Variants in MAML3 observed in about 807,000 individuals in gnomAD.
MAML3 encodes mastermind like transcriptional coactivator 3, also known as mastermind-like protein 3.
In MAML3, 27 loss-of-function variants were observed where a neutral mutation model predicts 101.9. The observed-to-expected ratio is 0.27, with a 90% confidence interval of 0.20 to 0.37. The LOEUF is 0.37. Among genes scored for constraint, MAML3 ranks in the 10% least tolerant of loss-of-function variants. The pLI is 1.00. For missense variants in MAML3, 1,316 were observed against 1,444.9 expected (o/e 0.91, Z 1.45); for synonymous variants, 501 against 555.9 (o/e 0.90, Z 1.39).
intron 2 of MAML3, among the ~76,000 whole-genome samples, chr4:139,775,595 C>T (rs1455250936): frequency 2.0e-5 from 3 of 151,980 alleles, no homozygotes; most frequent in Non-Finnish European, 4.4e-5. Context: ...GAGCTGTGGG[C>T]CCGGAAAGGA....
chr4:139,905,180 C>A (rs1252288766), intron 1 of MAML3, among the ~76,000 whole-genome samples: 1 of 152,168 alleles, frequency 6.6e-6, no homozygotes. Flanking sequence ...GTGCTAACTT[C>A]TGATTTTGTA....
At chr4:140,024,145 A>ACTGAGGC (rs1246015240) in intron 1 of MAML3, among the ~76,000 whole-genome samples, 105 of 152,324 alleles carry the variant, frequency 6.9e-4, no homozygotes, top group Admixed American at 2.0e-3. Flanking sequence ...AGATGTGGAA[A>ACTGAGGC]CTGAGGCACA....
intron 2 of MAML3, among the ~76,000 whole-genome samples, chr4:139,734,201 C>T (rs1450782716): frequency 1.3e-5 from 2 of 152,180 alleles, no homozygotes; most frequent in African/African-American, 4.8e-5. Context: ...AACCTCCAGT[C>T]TCAGAGGGCT....
intron 1 of MAML3, among the ~76,000 whole-genome samples, chr4:140,109,430 G>T (rs1483597484): frequency 6.6e-6 from 1 of 152,158 alleles, no homozygotes; most frequent in Non-Finnish European, 1.5e-5. Flanking sequence ...TAGTTCCCTA[G>T]CCCCCAAGCA....
At chr4:139,917,998 T>C (rs1733057272) in intron 1 of MAML3, among the ~76,000 whole-genome samples, 1 of 152,240 alleles carries the variant, frequency 6.6e-6, no homozygotes, top group Non-Finnish European at 1.5e-5. Flanking sequence ...TTGATTTTTA[T>C]GTATTTTGTT....
At chr4:139,885,890 G>A (rs1396008393) in intron 2 of MAML3, among the ~76,000 whole-genome samples, 1 of 114,594 alleles carries the variant, frequency 8.7e-6, no homozygotes, top group Non-Finnish European at 1.7e-5. Flanking sequence ...CAGAGATCGC[G>A]CCACTGCACT....
At chr4:139,764,955 A>C (rs1729829259) in intron 2 of MAML3, among the ~76,000 whole-genome samples, 1 of 152,214 alleles carries the variant, frequency 6.6e-6, no homozygotes, top group African/African-American at 2.4e-5. Flanking sequence ...TTCACGGGGA[A>C]GCAGGGGCTG....
intron 1 of MAML3, among the ~76,000 whole-genome samples, chr4:139,996,233 A>G (rs533505936): frequency 6.6e-6 from 1 of 152,284 alleles, no homozygotes; most frequent in South Asian, 2.1e-4. Flanking sequence ...CAATTGTTAA[A>G]TGGATTGTTC....
At chr4:139,851,039 G>A (rs1301212440) in intron 2 of MAML3, among the ~76,000 whole-genome samples, 3 of 152,138 alleles carry the variant, frequency 2.0e-5, no homozygotes, top group African/African-American at 7.2e-5. Context: ...TATCTTTGGA[G>A]TTTTAGCATT....
chr4:139,946,915 ACACACACACACTCTCTCT>A (rs1310634449), intron 1 of MAML3, among the ~76,000 whole-genome samples: 402 of 123,090 alleles, frequency 3.3e-3, no homozygotes, highest in African/African-American at 0.012. Context: ...ACACACACAC[ACACACACACACTCTCTCT>A]CTCTCTCTCT....
chr4:140,032,882 A>C (rs1344910137), intron 1 of MAML3, among the ~76,000 whole-genome samples: 1 of 93,226 alleles, frequency 1.1e-5, no homozygotes, highest in Non-Finnish European at 1.9e-5. Context: ...TTGTTTGTAA[A>C]AAAAAAAAAA....
rs368816851 is a variant in MAML3 at position 139,977,894 on chromosome 4, C to CAA, written c.469-86929_469-86928dup. Among the ~76,000 whole-genome samples the CAA allele has an allele frequency of 3.8e-3, 544 of 142,624 alleles. 5 individuals carry two copies. The highest frequency in any genetic ancestry group is 0.017 in the Middle Eastern group (5 of 288). 93.6% of individuals were successfully genotyped at this position (142,624 alleles called of 152,430 possible). ...TAACAAAAAAACAAAAAACAAAAAA[C>CAA]AAAAAAAAAACAAAAAAAGGATCTT... On this transcript the variant is annotated intron_variant, in intron 1 of 4. Transcript: ENST00000509479.
intron 1 of MAML3, among the ~76,000 whole-genome samples, chr4:140,031,846 A>G (rs1315041308): frequency 6.6e-6 from 1 of 152,116 alleles, no homozygotes; most frequent in Non-Finnish European, 1.5e-5. Context: ...CCCAGCTGAG[A>G]GTGATCTCTC....
chr4:139,889,074 C>T (rs1184372608), intron 2 of MAML3: 1 of 551,378 alleles, frequency 1.8e-6, no homozygotes, highest in African/African-American at 1.9e-5. Flanking sequence ...GCCTCCCTCC[C>T]TCAGAGTGAG....
intron 1 of MAML3, among the ~76,000 whole-genome samples, chr4:139,974,105 G>GT (rs34721976): frequency 3.1e-3 from 391 of 125,184 alleles, no homozygotes; most frequent in African/African-American, 0.01. Context: ...ACATTTAATA[G>GT]TTTTTTTTTT....
At position 139,739,683 on chromosome 4, in the gene MAML3, T is replaced by TTTC. The variant is rs1729087252; in HGVS notation, c.2080-9017_2080-9016insGAA. Among the ~76,000 whole-genome samples, 5 of 79,690 alleles carry TTTC rather than the reference T, an allele frequency of 6.3e-5. No homozygotes were observed. In the South Asian group the frequency reaches 2.8e-3, roughly 44 times the overall value. The allele number at this position is 79,690 out of a possible 152,430, so 52.3% of individuals were successfully genotyped here. A position where few individuals can be genotyped will look rare whatever the true frequency, so the allele number is the denominator to read the frequency against. ...GAAAGGCAGGGGAGGAAAGCAGTTT[T>TTTC]TTTTTTTTTTTCTTTTATGTCCTCA... On this transcript the variant is annotated intron_variant, in intron 2 of 4. Coordinates refer to ENST00000509479, the MANE Select transcript of MAML3 (RefSeq NM_018717.5).
intron 1 of MAML3, among the ~76,000 whole-genome samples, chr4:139,982,275 A>C (rs546978160): frequency 5.1e-4 from 77 of 152,270 alleles, no homozygotes; most frequent in African/African-American, 1.9e-3. Context: ...GACCTTAGGC[A>C]CTTGTTCAGT....
intron 2 of MAML3, among the ~76,000 whole-genome samples, chr4:139,770,474 T>A (rs80312550): frequency 6.6e-6 from 1 of 152,300 alleles, no homozygotes; most frequent in African/African-American, 2.4e-5. Context: ...TCTGTTTGTG[T>A]CCCTGGCAAC....
At chr4:139,853,060 G>A (rs1349167256) in intron 2 of MAML3, among the ~76,000 whole-genome samples, 2 of 152,194 alleles carry the variant, frequency 1.3e-5, no homozygotes, top group East Asian at 1.9e-4. Flanking sequence ...GACAAGACCT[G>A]ACATTACAGA....
Sources: allele counts gnomAD v4.1 joint callset (sites outside exome capture counted in the v4.1 genomes callset), GRCh38; gene constraint gnomAD v4.1.1; transcripts MANE v1.5; gene names NCBI Gene and HGNC (gene_info 2026-07-23, HGNC 2026-07-21).